UNC5D: variants seen among roughly 807,000 people sequenced by gnomAD.
The protein encoded by UNC5D is netrin receptor UNC5D.
A neutral mutation model predicts 105.4 loss-of-function variants in UNC5D; 39 were observed. The observed-to-expected ratio is 0.37, with a 90% CI of 0.29 to 0.48. The LOEUF (loss-of-function observed/expected upper bound fraction) is 0.48. Ranked by LOEUF, UNC5D falls within the 20% of genes least tolerant of loss-of-function variation. The pLI, the probability that UNC5D is intolerant of heterozygous loss-of-function variation, is 0.98. For synonymous variants in UNC5D, 452 were observed against 450.4 expected (o/e 1.00, Z -0.04); for missense variants, 991 against 1,202.4 (o/e 0.82, Z 2.60).
chr8:35,654,786 AC>A (rs1823633687), intron 4 of UNC5D, among the ~76,000 whole-genome samples: 2 of 152,228 alleles, frequency 1.3e-5, no homozygotes, highest in East Asian at 3.9e-4. Context: ...ACTTTCCATG[AC>A]TTGAGTGGCT....
chr8:35,640,519 T>C (rs1940194829), intron 4 of UNC5D, among the ~76,000 whole-genome samples: 1 of 152,184 alleles, frequency 6.6e-6, no homozygotes, highest in Admixed American at 6.5e-5. Flanking sequence ...AGGGATGATA[T>C]AAAGCTGTCT....
At chr8:35,518,916 A>G (rs1209390764) in intron 1 of UNC5D, among the ~76,000 whole-genome samples, 1 of 152,172 alleles carries the variant, frequency 6.6e-6, no homozygotes, top group Non-Finnish European at 1.5e-5. Context: ...CTTTGGTTAC[A>G]TATTTGTGTC....
chr8:35,414,863 C>T (rs1805429134), intron 1 of UNC5D, among the ~76,000 whole-genome samples: 1 of 152,036 alleles, frequency 6.6e-6, no homozygotes, highest in Non-Finnish European at 1.5e-5. Flanking sequence ...CAGTAGTGAA[C>T]TTGGAATTAT....
intron 1 of UNC5D, among the ~76,000 whole-genome samples, chr8:35,542,206 G>A (rs1815326901): frequency 6.6e-6 from 1 of 152,104 alleles, no homozygotes; most frequent in African/African-American, 2.4e-5. Flanking sequence ...TTCATAAATT[G>A]CATTAAATAT....
intron 1 of UNC5D, among the ~76,000 whole-genome samples, chr8:35,484,054 C>T (rs1295622715): frequency 6.6e-6 from 1 of 152,116 alleles, no homozygotes; most frequent in Admixed American, 6.6e-5. Context: ...ATAATCATAT[C>T]TGGATGATGA....
chr8:35,460,235 G>A (rs968739322), intron 1 of UNC5D, among the ~76,000 whole-genome samples: 18 of 152,260 alleles, frequency 1.2e-4, no homozygotes, highest in East Asian at 7.7e-4. Context: ...GAGAATGGGG[G>A]TAGGGGGGCA....
chr8:35,684,888 T>G (rs1311589058), intron 6 of UNC5D, 139 bp downstream of exon 6: 2 of 1,143,740 alleles, frequency 1.7e-6, no homozygotes, highest in Non-Finnish European at 2.4e-6. Context: ...AAGGTGCTAA[T>G]GTAAAGCTCA....
At chr8:35,383,350 TA>T (rs1803160030) in intron 1 of UNC5D, among the ~76,000 whole-genome samples, 1 of 152,218 alleles carries the variant, frequency 6.6e-6, no homozygotes, top group Non-Finnish European at 1.5e-5. Context: ...TCTCTATACG[TA>T]ATATAGTAAT....
intron 3 of UNC5D, among the ~76,000 whole-genome samples, chr8:35,574,080 A>C (rs980103130): frequency 2.0e-5 from 3 of 152,226 alleles, no homozygotes; most frequent in African/African-American, 7.2e-5. Context: ...GACGGTTGTC[A>C]AAACTAGGAA....
rs185434839 is a variant in UNC5D at position 35,291,360 on chromosome 8, A to G, written c.103+55473A>G. ...AATAAAAAGAGACAAGGAATTTGAA[A>G]TCACTTATTTATTGTTGTATAAGTC... On this transcript the variant is annotated intron_variant, in intron 1 of 16. Coordinates refer to ENST00000404895, the MANE Select transcript of UNC5D (RefSeq NM_080872.4). 3.5e-3 allele frequency among the ~76,000 whole-genome samples: 527 copies of G among 152,312 alleles called. 4 individuals carry two copies. The highest frequency in any genetic ancestry group is 0.012 in the African/African-American group (504 of 41,562).
At chr8:35,535,392 A>G (rs980728236) in intron 1 of UNC5D, among the ~76,000 whole-genome samples, 1 of 151,892 alleles carries the variant, frequency 6.6e-6, no homozygotes, top group Admixed American at 6.6e-5. Flanking sequence ...GTAGTACTAA[A>G]CAGCTCAGAT....
chr8:35,384,023 G>A (rs1287261810), intron 1 of UNC5D, among the ~76,000 whole-genome samples: 1 of 152,046 alleles, frequency 6.6e-6, no homozygotes, highest in African/African-American at 2.4e-5. Context: ...AGACCATCCT[G>A]GCTAACATGG....
At chr8:35,371,152 G>T (rs1224895474) in intron 1 of UNC5D, among the ~76,000 whole-genome samples, 2 of 150,768 alleles carry the variant, frequency 1.3e-5, no homozygotes, top group Non-Finnish European at 2.9e-5. Context: ...GCTCAAGGTT[G>T]CAGTGAGCTA....
chr8:35,673,907 G>A (rs1217269884), intron 4 of UNC5D, among the ~76,000 whole-genome samples: 1 of 151,508 alleles, frequency 6.6e-6, no homozygotes, highest in African/African-American at 2.4e-5. Flanking sequence ...GGTACGTGCT[G>A]CACCCATTTC....
At chr8:35,518,300 G>A (rs1417218181) in intron 1 of UNC5D, among the ~76,000 whole-genome samples, 2 of 151,994 alleles carry the variant, frequency 1.3e-5, no homozygotes, top group Non-Finnish European at 2.9e-5. Flanking sequence ...CTTAAAAGCA[G>A]CTCCTCTCAG....
chr8:35,367,230 C>A (rs953162591), intron 1 of UNC5D, among the ~76,000 whole-genome samples: 7 of 152,160 alleles, frequency 4.6e-5, no homozygotes, highest in Admixed American at 1.3e-4. Context: ...TGCTTTCTAC[C>A]TACCCACCTA....
chr8:35,618,390 A>T (rs1724266398), intron 4 of UNC5D, among the ~76,000 whole-genome samples: 1 of 152,240 alleles, frequency 6.6e-6, no homozygotes, highest in African/African-American at 2.4e-5. Flanking sequence ...TCATAAGACT[A>T]ATAGGCAATG....
chr8:35,254,420 A>G (rs1231707523), intron 1 of UNC5D: 1 of 152,156 alleles, frequency 6.6e-6, no homozygotes, highest in Non-Finnish European at 1.5e-5. Context: ...TTTAATATCC[A>G]TTCCATGATC....
intron 1 of UNC5D, among the ~76,000 whole-genome samples, chr8:35,390,363 G>A (rs1285698173): frequency 2.0e-5 from 3 of 152,152 alleles, no homozygotes; most frequent in African/African-American, 4.8e-5. Context: ...TGGATATATA[G>A]TAGGTTATCA....
Sources: allele counts gnomAD v4.1 joint callset (sites outside exome capture counted in the v4.1 genomes callset), GRCh38; gene constraint gnomAD v4.1.1; transcripts MANE v1.5; gene names NCBI Gene and HGNC (gene_info 2026-07-23, HGNC 2026-07-21).